Variants in GOLM1 observed in about 807,000 individuals in gnomAD.
The protein encoded by GOLM1 is golgi membrane protein 1.
In GOLM1, 31 loss-of-function variants were observed where a neutral mutation model predicts 50.5. The ratio of observed to expected loss-of-function variants is 0.61; its 90% CI spans 0.46 to 0.83. The LOEUF (loss-of-function observed/expected upper bound fraction) is 0.83. GOLM1 is among the 40% of genes least tolerant of loss of function. The pLI is 0.00. For missense variants in GOLM1, 491 were observed against 501.3 expected (o/e 0.98, Z 0.20); for synonymous variants, 178 against 192.8 (o/e 0.92, Z 0.64).
chr9:86,089,489 G>A (rs1442064593), intron 1 of GOLM1, among the ~76,000 whole-genome samples: 3 of 151,726 alleles, frequency 2.0e-5, no homozygotes, highest in East Asian at 1.9e-4. Flanking sequence ...TTGTCTTCAC[G>A]CTTTATTTCA....
At chr9:86,053,123 CACACA>C (rs1311986315) in intron 3 of GOLM1, among the ~76,000 whole-genome samples, 7 of 94,964 alleles carry the variant, frequency 7.4e-5, no homozygotes, top group African/African-American at 2.4e-4. Flanking sequence ...CACACCACAC[CACACA>C]CCACACCAAA....
chr9:86,062,619 G>A (rs1834194790), intron 3 of GOLM1, among the ~76,000 whole-genome samples: 2 of 151,032 alleles, frequency 1.3e-5, no homozygotes, highest in African/African-American at 4.9e-5. Context: ...GCAAGAGGAG[G>A]ATGGAGGGAG....
chr9:86,090,738 G>A (rs892958811), intron 1 of GOLM1, among the ~76,000 whole-genome samples: 1 of 149,638 alleles, frequency 6.7e-6, no homozygotes, highest in Non-Finnish European at 1.5e-5. Flanking sequence ...CCTTTCCAGG[G>A]GAGTGAACAG....
chr9:86,063,826 A>G (rs1330653507), intron 3 of GOLM1, among the ~76,000 whole-genome samples: 2 of 152,248 alleles, frequency 1.3e-5, no homozygotes, highest in African/African-American at 4.8e-5. Context: ...GTATGAAGCC[A>G]AGGCCAAGAG....
intron 4 of GOLM1, among the ~76,000 whole-genome samples, chr9:86,049,304 T>C (rs1176195779): frequency 2.0e-5 from 3 of 152,240 alleles, no homozygotes. Context: ...TCACGTAGCG[T>C]AATGCCTCCA....
Position 86,046,242 on chromosome 9 carries a change from G to C in GOLM1, c.467+228C>G, listed in dbSNP as rs184258690. 3.3e-4 allele frequency among the ~76,000 whole-genome samples: 50 copies of C among 152,314 alleles called. No individual in the cohort carries two copies. In the East Asian group the frequency reaches 8.7e-3, roughly 26 times the overall value. On this transcript the variant is annotated intron_variant, in intron 5 of 9. Coordinates refer to ENST00000388712, the MANE Select transcript of GOLM1 (RefSeq NM_016548.4). ...TTAACCAGTACACCTGTGCCTTACAGAGTTTTAAGTTACATTTTAAGGCAT... is the reference window on the plus strand; with the variant it reads ...TTAACCAGTACACCTGTGCCTTACACAGTTTTAAGTTACATTTTAAGGCAT...
intron 7 of GOLM1, 137 bp from the exon 8 acceptor site, chr9:86,035,762 G>T: frequency 1.4e-6 from 1 of 734,048 alleles, no homozygotes. Flanking sequence ...CTGCACACAG[G>T]AGAACAACCA....
chr9:86,064,557 A>G (rs990328433), intron 3 of GOLM1, among the ~76,000 whole-genome samples: 1 of 152,024 alleles, frequency 6.6e-6, no homozygotes, highest in Non-Finnish European at 1.5e-5. Context: ...CTCCCCACCC[A>G]GCCCTCTCCC....
intron 3 of GOLM1, among the ~76,000 whole-genome samples, chr9:86,063,957 C>G (rs1834234734): frequency 6.6e-6 from 1 of 152,226 alleles, no homozygotes; most frequent in Non-Finnish European, 1.5e-5. Context: ...CACGACAATG[C>G]TTTCCATGTG....
intron 9 of GOLM1, among the ~76,000 whole-genome samples, chr9:86,032,018 G>T (rs1172970857): frequency 1.3e-5 from 2 of 151,468 alleles, no homozygotes; most frequent in African/African-American, 4.9e-5. Flanking sequence ...CTTACCGAGG[G>T]CTTGAGCCAG....
In GOLM1 at chr9:86,076,392, G is replaced by A. The variant is rs575491505; in HGVS notation, c.309+1020C>T. On this transcript the variant is annotated intron_variant, in intron 3 of 9. Coordinates refer to ENST00000388712, the MANE Select transcript of GOLM1 (RefSeq NM_016548.4). ...GCCAAGAGGGCGCCATTGCACTCCA[G>A]CCTGGACAACAAGAGGGAAACCCCA... Among the ~76,000 whole-genome samples the A allele has an allele frequency of 4.6e-5, 5 of 108,600 alleles. No homozygotes were observed. The East Asian group carries it at 1.6e-3, about 35-fold the overall frequency. 71.2% of individuals were successfully genotyped at this position (108,600 alleles called of 152,430 possible).
At position 86,035,632 on chromosome 9, in the gene GOLM1, A is replaced by G. The variant is rs1564340816; in HGVS notation, c.758-7T>C. 8.3e-6 allele frequency: 13 copies of G among 1,570,236 alleles called. No homozygotes were observed. Among genetic ancestry groups the G allele is most frequent in the Non-Finnish European group, 1.1e-5 (13 of 1,154,056 alleles). ...TGGATCTCATTGGTTTCCTCTGTGC[A>G]CAGAACACAGTTAGCTGTGACCTTG... On this transcript the variant is annotated splice_region_variant and splice_polypyrimidine_tract_variant and intron_variant, in intron 7 of 9. Coordinates refer to ENST00000388712, the MANE Select transcript of GOLM1 (RefSeq NM_016548.4).
intron 9 of GOLM1, among the ~76,000 whole-genome samples, chr9:86,028,908 G>A (rs1025208898): frequency 2.1e-5 from 3 of 144,516 alleles, no homozygotes; most frequent in South Asian, 4.3e-4. Flanking sequence ...GAGTGCAGTC[G>A]TGCGATCTCA....
chr9:86,037,590 G>T (rs1833189497), intron 6 of GOLM1, among the ~76,000 whole-genome samples: 1 of 152,122 alleles, frequency 6.6e-6, no homozygotes, highest in African/African-American at 2.4e-5. Context: ...TTCCTCACGT[G>T]AGAAGCTTAA....
At chr9:86,079,510 G>T (rs755913071) in intron 1 of GOLM1, among the ~76,000 whole-genome samples, 169 bp from the exon 2 acceptor site, 1 of 152,144 alleles carries the variant, frequency 6.6e-6, no homozygotes, top group African/African-American at 2.4e-5. Context: ...TGAACGGCAC[G>T]CACAGAGCCC....
At chr9:86,068,157 G>A (rs1165611609) in intron 3 of GOLM1, among the ~76,000 whole-genome samples, 1 of 152,168 alleles carries the variant, frequency 6.6e-6, no homozygotes, top group Non-Finnish European at 1.5e-5. Flanking sequence ...GAAAGACTGA[G>A]AGGCAAGCAG....
chr9:86,033,653 A>G (rs1833049876), intron 8 of GOLM1, among the ~76,000 whole-genome samples: 1 of 152,204 alleles, frequency 6.6e-6, no homozygotes, highest in Non-Finnish European at 1.5e-5. Context: ...TGGAGAAACT[A>G]ACAACCCAAA....
intron 8 of GOLM1, chr9:86,035,140 C>T: frequency 1.0e-6 from 1 of 985,436 alleles, no homozygotes; most frequent in Non-Finnish European, 1.2e-6. Flanking sequence ...CCTCGACTCC[C>T]TGCCAATATT....
At chr9:86,071,994 A>G (rs1028583577) in intron 3 of GOLM1, among the ~76,000 whole-genome samples, 2 of 152,230 alleles carry the variant, frequency 1.3e-5, no homozygotes, top group African/African-American at 4.8e-5. Context: ...AGTGAGAAAG[A>G]ATGAACTAAA....
Sources: allele counts gnomAD v4.1 joint callset (sites outside exome capture counted in the v4.1 genomes callset), GRCh38; gene constraint gnomAD v4.1.1; transcripts MANE v1.5; gene names NCBI Gene and HGNC (gene_info 2026-07-23, HGNC 2026-07-21).